The following ADAMTS17 variants were observed in gnomAD, a reference collection of about 807,000 sequenced individuals.
ADAMTS17 encodes the protein ADAM metallopeptidase with thrombospondin type 1 motif 17, also known as A disintegrin and metalloproteinase with thrombospondin motifs 17.
Under a neutral mutation model 141.5 loss-of-function variants are expected in ADAMTS17, and 113 were observed. The observed-to-expected ratio is 0.80, with a 90% CI of 0.69 to 0.93. The LOEUF (loss-of-function observed/expected upper bound fraction) is 0.93. Among genes scored for constraint, ADAMTS17 ranks in the 40% least tolerant of loss-of-function variants. The pLI, the probability that ADAMTS17 is intolerant of heterozygous loss-of-function variation, is 0.00. For synonymous variants in ADAMTS17, 768 were observed against 630.6 expected (o/e 1.22, Z -3.27); for missense variants, 1,659 against 1,517.9 (o/e 1.09, Z -1.54).
intron 7 of ADAMTS17, among the ~76,000 whole-genome samples, chr15:100,244,650 C>T (rs2042932561): frequency 6.6e-6 from 1 of 151,928 alleles, no homozygotes; most frequent in African/African-American, 2.4e-5. Context: ...GAGGAAGGGC[C>T]CCTGCAGGTG....
intron 10 of ADAMTS17, among the ~76,000 whole-genome samples, chr15:100,144,250 A>G (rs549220741): frequency 7.6e-4 from 115 of 152,302 alleles, no homozygotes; most frequent in African/African-American, 2.5e-3. Context: ...TACATGGTAT[A>G]AAAATATCTG....
chr15:100,274,245 T>C (rs755215358), intron 4 of ADAMTS17, among the ~76,000 whole-genome samples: 1 of 152,222 alleles, frequency 6.6e-6, no homozygotes, highest in Admixed American at 6.5e-5. Context: ...TGTCTGGTTG[T>C]TCTATCTACT....
chr15:100,003,517 G>A (rs2060972412), intron 18 of ADAMTS17, among the ~76,000 whole-genome samples: 1 of 152,086 alleles, frequency 6.6e-6, no homozygotes, highest in African/African-American at 2.4e-5. Flanking sequence ...TCCAGTGTTA[G>A]AATGATGCAT....
At chr15:100,134,902 G>A (rs1361109376) in intron 10 of ADAMTS17, among the ~76,000 whole-genome samples, 4 of 152,258 alleles carry the variant, frequency 2.6e-5, no homozygotes, top group Non-Finnish European at 5.9e-5. Flanking sequence ...AAAGATGAGA[G>A]CCCCAGTGCA....
intron 8 of ADAMTS17, among the ~76,000 whole-genome samples, chr15:100,191,068 C>T (rs1296053441): frequency 6.6e-6 from 1 of 152,216 alleles, no homozygotes; most frequent in Non-Finnish European, 1.5e-5. Flanking sequence ...AAAACTACAT[C>T]TCAGCTAACT....
At chr15:100,317,186 G>A (rs915771181) in intron 3 of ADAMTS17, among the ~76,000 whole-genome samples, 2 of 152,106 alleles carry the variant, frequency 1.3e-5, no homozygotes, top group Non-Finnish European at 2.9e-5. Flanking sequence ...ATAAAAATGG[G>A]ATGGAGGGAC....
Position 100,262,448 on chromosome 15 carries a change from A to G in ADAMTS17, c.790-13T>C. 6.2e-7 allele frequency: 1 copy of G among 1,607,366 alleles called. No homozygotes were observed. Among genetic ancestry groups the G allele is most frequent in the Non-Finnish European group, 8.5e-7 (1 of 1,175,220 alleles). On this transcript the variant is annotated splice_polypyrimidine_tract_variant and intron_variant, in intron 4 of 21. Coordinates refer to ENST00000268070, the MANE Select transcript of ADAMTS17 (RefSeq NM_139057.4). ...ACATATTGTATACCTATCAAGACAG[A>G]AAAAAGAAATAAAGATATAAAGATA...
At chr15:100,152,830 T>G in intron 9 of ADAMTS17, 68 bp from the exon 10 acceptor site, 1 of 1,581,034 alleles carries the variant, frequency 6.3e-7, no homozygotes, top group Non-Finnish European at 8.6e-7. Context: ...TCTTTTTCTT[T>G]TTTTTTTTGA....
intron 10 of ADAMTS17, among the ~76,000 whole-genome samples, chr15:100,136,773 T>C (rs1299637534): frequency 6.6e-6 from 1 of 152,246 alleles, no homozygotes; most frequent in Non-Finnish European, 1.5e-5. Flanking sequence ...GAAGGTCTTA[T>C]TCTCAGATTG....
intron 7 of ADAMTS17, among the ~76,000 whole-genome samples, chr15:100,201,717 T>C (rs1239232758): frequency 1.3e-5 from 2 of 152,092 alleles, no homozygotes; most frequent in African/African-American, 2.4e-5. Context: ...CAAGATGGTT[T>C]TGTGGCCACG....
At chr15:100,306,037 A>G (rs2045211770) in intron 3 of ADAMTS17, 1 of 159,696 alleles carries the variant, frequency 6.3e-6, no homozygotes, top group Non-Finnish European at 1.4e-5. Flanking sequence ...GATGCACACC[A>G]ATGTCCAAAG....
At chr15:100,138,688 A>T (rs181472344) in intron 10 of ADAMTS17, among the ~76,000 whole-genome samples, 2 of 152,342 alleles carry the variant, frequency 1.3e-5, no homozygotes, top group East Asian at 3.9e-4. Context: ...CCAGAAGGAG[A>T]GAATAGAAAG....
At chr15:100,278,047 G>T (rs937954379) in intron 4 of ADAMTS17, among the ~76,000 whole-genome samples, 27 of 152,258 alleles carry the variant, frequency 1.8e-4, no homozygotes, top group African/African-American at 6.3e-4. Context: ...GTCCACAAAA[G>T]GATAAATACT....
intron 8 of ADAMTS17, among the ~76,000 whole-genome samples, chr15:100,192,297 A>C (rs1008520026): frequency 5.9e-5 from 9 of 152,200 alleles, no homozygotes; most frequent in African/African-American, 2.2e-4. Context: ...CATGATTGCT[A>C]AGCAGGAACT....
At position 99,976,058 on chromosome 15, in the gene ADAMTS17, G is replaced by A. The variant is rs952537407; in HGVS notation, c.3114C>T (p.Thr1038=). The change falls in exon 21 of 22, where the codon ACC becomes ACT. Residue 1038 remains threonine, a synonymous_variant. Transcript: ENST00000268070. ...CNDRINANTI[T]SPRLAALTYK... ...GAAGACACTCACCAAGGCGGGGGGA[G>A]GTGATGGTGTTGGCGTTGATCCTGT... 1.3e-6 allele frequency: 2 copies of A among 1,550,918 alleles called. No homozygotes were observed. Among genetic ancestry groups the A allele is most frequent in the Non-Finnish European group, 8.7e-7 (1 of 1,146,578 alleles).
intron 12 of ADAMTS17, among the ~76,000 whole-genome samples, chr15:100,130,581 C>T (rs2037986917): frequency 6.6e-6 from 1 of 152,120 alleles, no homozygotes; most frequent in African/African-American, 2.4e-5. Flanking sequence ...GCTGGAGTCA[C>T]CTGGGAAGAT....
chr15:100,063,220 T>C (rs1596326893), intron 15 of ADAMTS17, among the ~76,000 whole-genome samples: 2 of 152,230 alleles, frequency 1.3e-5, no homozygotes, highest in Non-Finnish European at 1.5e-5. Flanking sequence ...ATTGGTATCC[T>C]TCTGGGTTTC....
intron 7 of ADAMTS17, among the ~76,000 whole-genome samples, chr15:100,206,073 C>T (rs1023110347): frequency 6.6e-6 from 1 of 152,248 alleles, no homozygotes; most frequent in African/African-American, 2.4e-5. Flanking sequence ...TCTCGGCAAA[C>T]TTTCCCAGAC....
At chr15:100,322,611 G>A (rs183035108) in intron 3 of ADAMTS17, among the ~76,000 whole-genome samples, 41 of 152,258 alleles carry the variant, frequency 2.7e-4, no homozygotes, top group African/African-American at 7.2e-4. Flanking sequence ...GACCAAACCC[G>A]AAGATGACCC....
Sources: gnomAD v4.1 joint callset for allele counts (sites outside exome capture counted in the v4.1 genomes callset) on GRCh38, gnomAD v4.1.1 for gene constraint, MANE v1.5 for transcripts, NCBI Gene and HGNC (gene_info 2026-07-23, HGNC 2026-07-21) for gene names.